Variants in DCUN1D5 observed in about 807,000 individuals in gnomAD.
The protein encoded by DCUN1D5 is DCN1-like protein 5.
Under a neutral mutation model 38.3 loss-of-function variants are expected in DCUN1D5, and 10 were observed. That is an observed-to-expected ratio of 0.26 (90% CI 0.16 to 0.44). The LOEUF (loss-of-function observed/expected upper bound fraction) is 0.44, where lower values mean the gene tolerates loss of function less well. Ranked by LOEUF, DCUN1D5 falls within the 20% of genes least tolerant of loss-of-function variation. DCUN1D5 has a pLI of 1.00. For synonymous variants in DCUN1D5, 93 were observed against 90.9 expected, an observed-to-expected ratio of 1.02 and a Z score of -0.13; for missense variants, 148 against 275.3, an observed-to-expected ratio of 0.54 and a Z score of 3.27.
intron 4 of DCUN1D5, chr11:103,080,021 A>C (rs1023310085): frequency 2.6e-5 from 4 of 152,198 alleles, no homozygotes; most frequent in Non-Finnish European, 5.9e-5. Flanking sequence ...AAACAAACGA[A>C]TGTTAACAAA....
At chr11:103,088,818 ATGTT>A (rs1162186304) in intron 2 of DCUN1D5, among the ~76,000 whole-genome samples, 1 of 152,224 alleles carries the variant, frequency 6.6e-6, no homozygotes, top group African/African-American at 2.4e-5. Flanking sequence ...GTTTCAGAAA[ATGTT>A]AGTTCAGAAA....
In DCUN1D5 at chr11:103,051,494, A is replaced by G. The variant is rs1861729309; in HGVS notation, c.*10865T>C. On this transcript the variant is annotated 3_prime_UTR_variant, in exon 8 of 8. Transcript: ENST00000260247. ...ATCATGAGATTTGGTGGCTTCACAT[A>G]TTTACTTCCCCCCCCCCCCCGCCAC... The G allele has an allele frequency of 1.8e-5, 1 of 55,696 alleles. No individual in the cohort carries two copies. 3.5% of individuals were successfully genotyped at this position (55,696 alleles called of 1,614,324 possible).
chr11:103,077,797 CTAAA>C lies in DCUN1D5; in HGVS notation c.341+4947_341+4950del, dbSNP rs1862448291. Among the ~76,000 whole-genome samples, 1 of 152,134 alleles carries C rather than the reference CTAAA, an allele frequency of 6.6e-6. No homozygotes were observed. Among genetic ancestry groups the C allele is most frequent in the Non-Finnish European group, 1.5e-5 (1 of 68,018 alleles). ...CAAAGTTCTGGATTTAGAACTTCCT[CTAAA>C]TAAGCTTTCTCAACCAGAACAATAC... On this transcript the variant is annotated intron_variant, in intron 4 of 7. Transcript: ENST00000260247. This position sits in a 1 kb window ranked among gnomAD's most constrained non-coding sequence, Gnocchi z 4.3.
rs1861983853 is a variant in DCUN1D5 at position 103,060,396 on chromosome 11, T to C, written c.*1963A>G. The stretch of plus-strand genomic sequence containing the variant: ...TGAGTTTGAACTGTGTGGGTCTGCT[T>C]ATACGCAGATTTTTTTAAACCAAAC... On this transcript the variant is annotated 3_prime_UTR_variant, in exon 8 of 8. Transcript: ENST00000260247. Among the ~76,000 whole-genome samples, 1 of 152,178 alleles carries C rather than the reference T, an allele frequency of 6.6e-6. No homozygotes were observed. The highest frequency in any genetic ancestry group is 1.5e-5 in the Non-Finnish European group (1 of 68,024).
rs1862421455 is a variant in DCUN1D5, at chr11:103,076,902, T to C, written c.341+5846A>G. On this transcript the variant is annotated intron_variant, in intron 4 of 7. Transcript: ENST00000260247. The stretch of plus-strand genomic sequence containing the variant: ...AGAAAGAATCCAACAGACTTTTTTG[T>C]AGTAAAAAAAGAATAGGCCAGCACG... Among the ~76,000 whole-genome samples, 7 of 152,026 alleles carry C rather than the reference T, an allele frequency of 4.6e-5. No individual in the cohort carries two copies. In the South Asian group the frequency reaches 1.2e-3, roughly 27 times the overall value.
intron 4 of DCUN1D5, among the ~76,000 whole-genome samples, chr11:103,080,315 G>C (rs988078866): frequency 6.6e-6 from 1 of 152,194 alleles, no homozygotes; most frequent in African/African-American, 2.4e-5. Flanking sequence ...TTAAGATTAT[G>C]TTTATTATAT....
rs955682879 is a variant in DCUN1D5, at chr11:103,064,998, T to C, written c.556-621A>G. Among the ~76,000 whole-genome samples, 1 of 152,268 alleles carries C rather than the reference T, an allele frequency of 6.6e-6. No homozygotes were observed. The highest frequency in any genetic ancestry group is 6.5e-5 in the Admixed American group (1 of 15,298). ...ATATTTAGTTCTTCTCAGCTCCCCATAGAGCTGAATATTTTTACATTCAGT... is the reference window on the plus strand; with the variant it reads ...ATATTTAGTTCTTCTCAGCTCCCCACAGAGCTGAATATTTTTACATTCAGT... On this transcript the variant is annotated intron_variant, in intron 6 of 7. Transcript: ENST00000260247. The surrounding 1 kb of genome is among the most constrained non-coding windows in gnomAD (Gnocchi z 4.5).
In DCUN1D5 at chr11:103,091,559, C is replaced by T. The variant is rs1235372405; in HGVS notation, c.86+228G>A. 6 of 624,170 alleles carry T rather than the reference C, an allele frequency of 9.6e-6. No individual in the cohort carries two copies. The highest frequency in any genetic ancestry group is 2.8e-5 in the Admixed American group (1 of 35,344). 38.7% of individuals were successfully genotyped at this position (624,170 alleles called of 1,614,324 possible). On this transcript the variant is annotated intron_variant, in intron 1 of 7. Transcript: ENST00000260247. This position sits in a 1 kb window ranked among gnomAD's most constrained non-coding sequence, Gnocchi z 4.3. ...CCCTGCAGGGCACGTAGACTCTTAACGTGGGCGGCTCTTCTAGTCTCTCCA... is the reference window on the plus strand; with the variant it reads ...CCCTGCAGGGCACGTAGACTCTTAATGTGGGCGGCTCTTCTAGTCTCTCCA...
At position 103,063,833 on chromosome 11, in the gene DCUN1D5, A is replaced by G. The variant is rs571042869; in HGVS notation, c.658+442T>C. ...AGCTCACAATCAATTTATAGTTTTC[A>G]GAGAGAAGTTATACTGACATTATTT... On this transcript the variant is annotated intron_variant, in intron 7 of 7. Coordinates refer to ENST00000260247, the MANE Select transcript of DCUN1D5 (RefSeq NM_032299.4). The surrounding 1 kb of genome is among the most constrained non-coding windows in gnomAD (Gnocchi z 4.6). Among the ~76,000 whole-genome samples the G allele has an allele frequency of 6.6e-6, 1 of 152,284 alleles. No individual in the cohort carries two copies. The highest frequency in any genetic ancestry group is 2.4e-5 in the African/African-American group (1 of 41,580).
chr11:103,065,461 T>C lies in DCUN1D5; in HGVS notation c.555+808A>G, dbSNP rs762550789. Among the ~76,000 whole-genome samples the C allele has an allele frequency of 1.2e-4, 18 of 152,240 alleles. No homozygotes were observed. The highest frequency in any genetic ancestry group is 2.5e-4 in the Non-Finnish European group (17 of 68,004). ...CGTGTGCCACCACGCCCAGCTGATATCACTGTCTTGTATCACAACTTTTAC... is the reference window on the plus strand; with the variant it reads ...CGTGTGCCACCACGCCCAGCTGATACCACTGTCTTGTATCACAACTTTTAC... On this transcript the variant is annotated intron_variant, in intron 6 of 7. Coordinates refer to ENST00000260247, the MANE Select transcript of DCUN1D5 (RefSeq NM_032299.4). This position sits in a 1 kb window ranked among gnomAD's most constrained non-coding sequence, Gnocchi z 4.6.
chr11:103,087,392 G>A lies in DCUN1D5; in HGVS notation c.178+1835C>T, dbSNP rs528985431. Among the ~76,000 whole-genome samples the A allele has an allele frequency of 4.5e-4, 68 of 152,034 alleles. No individual in the cohort carries two copies. Among genetic ancestry groups the A allele is most frequent in the Non-Finnish European group, 8.5e-4 (58 of 67,966 alleles). On this transcript the variant is annotated intron_variant, in intron 2 of 7. Transcript: ENST00000260247. The surrounding 1 kb of genome is among the most constrained non-coding windows in gnomAD (Gnocchi z 4.1). Reference sequence around the variant, plus strand: ...TCACCATGTTAACCAGGATGGTCTCGATCTCCTGACCTCGTGATCTGCCTA... The same window carrying A: ...TCACCATGTTAACCAGGATGGTCTCAATCTCCTGACCTCGTGATCTGCCTA...
At chr11:103,069,478 T>A (rs1862217971) in intron 4 of DCUN1D5, among the ~76,000 whole-genome samples, 1 of 152,156 alleles carries the variant, frequency 6.6e-6, no homozygotes, top group African/African-American at 2.4e-5. Context: ...CAGGATATAA[T>A]AAAGCCTCTC....
intron 4 of DCUN1D5, among the ~76,000 whole-genome samples, chr11:103,072,970 G>T (rs1261270420): frequency 2.0e-5 from 3 of 152,116 alleles, no homozygotes; most frequent in Admixed American, 2.0e-4. Flanking sequence ...ATTTCTAGAT[G>T]ACATGACTAT....
rs1861807095 is a variant in DCUN1D5, at chr11:103,053,854, A to G, written c.*8505T>C. 6.6e-6 allele frequency: 1 copy of G among 152,112 alleles called. No individual in the cohort carries two copies. The highest frequency in any genetic ancestry group is 2.1e-4 in the South Asian group (1 of 4,828). 9.4% of individuals were successfully genotyped at this position (152,112 alleles called of 1,614,324 possible). A position where few individuals can be genotyped will look rare whatever the true frequency, so the allele number is the denominator to read the frequency against. ...ACACAAGTCCATCCTATGAGGTTCA[A>G]TTGATGTTTTTCCAGATAGCAAAGA... On this transcript the variant is annotated 3_prime_UTR_variant, in exon 8 of 8. Coordinates refer to ENST00000260247, the MANE Select transcript of DCUN1D5 (RefSeq NM_032299.4). The surrounding 1 kb of genome is among the most constrained non-coding windows in gnomAD (Gnocchi z 4.8).
In DCUN1D5 at chr11:103,061,605, A is replaced by G. The variant is rs1433180871; in HGVS notation, c.*754T>C. Reference sequence around the variant, plus strand: ...CTAACGTTCTCTTAAGGCAAAAAAAAAAAAAAAAAGTGCTTTAAACAAAAT... The same window carrying G: ...CTAACGTTCTCTTAAGGCAAAAAAAGAAAAAAAAAGTGCTTTAAACAAAAT... On this transcript the variant is annotated 3_prime_UTR_variant, in exon 8 of 8. Coordinates refer to ENST00000260247, the MANE Select transcript of DCUN1D5 (RefSeq NM_032299.4). 6.6e-6 allele frequency among the ~76,000 whole-genome samples: 1 copy of G among 151,724 alleles called. No individual in the cohort carries two copies. Among genetic ancestry groups the G allele is most frequent in the East Asian group, 1.9e-4 (1 of 5,206 alleles).
intron 4 of DCUN1D5, among the ~76,000 whole-genome samples, chr11:103,070,232 A>ACAGTGAG (rs1862238507): frequency 6.6e-6 from 1 of 152,200 alleles, no homozygotes; most frequent in South Asian, 2.1e-4. Flanking sequence ...TAATTACATG[A>ACAGTGAG]CAGTGAGTAG....
rs1474898047 is a variant in DCUN1D5, at chr11:103,053,009, T to C, written c.*9350A>G. 6.6e-6 allele frequency: 1 copy of C among 152,164 alleles called. No homozygotes were observed. The highest frequency in any genetic ancestry group is 1.5e-5 in the Non-Finnish European group (1 of 67,986). 9.4% of individuals were successfully genotyped at this position (152,164 alleles called of 1,614,324 possible). A position where few individuals can be genotyped will look rare whatever the true frequency, so the allele number is the denominator to read the frequency against. On this transcript the variant is annotated 3_prime_UTR_variant, in exon 8 of 8. Transcript: ENST00000260247. The surrounding 1 kb of genome is among the most constrained non-coding windows in gnomAD (Gnocchi z 4.8). ...ACTTAACCAGAGTATTTTAGCTTTCTGTTTTAAATACTGTGCTTCTAGGTA... is the reference window on the plus strand; with the variant it reads ...ACTTAACCAGAGTATTTTAGCTTTCCGTTTTAAATACTGTGCTTCTAGGTA...
rs1405656351 is a variant in DCUN1D5, at chr11:103,073,271, A to T, written c.342-6704T>A. Among the ~76,000 whole-genome samples, 2 of 152,206 alleles carry T rather than the reference A, an allele frequency of 1.3e-5. No homozygotes were observed. Among genetic ancestry groups the T allele is most frequent in the African/African-American group, 4.8e-5 (2 of 41,458 alleles). ...TGAAGAGACATTACTATCTTCCAGT[A>T]TTCAAAGCAAGACTGACAAAAAAAG... is the stretch of plus-strand genomic sequence containing the variant. On this transcript the variant is annotated intron_variant, in intron 4 of 7. Transcript: ENST00000260247. This position sits in a 1 kb window ranked among gnomAD's most constrained non-coding sequence, Gnocchi z 4.2.
chr11:103,063,334 C>A lies in DCUN1D5; in HGVS notation c.659-920G>T, dbSNP rs1008318668. On this transcript the variant is annotated intron_variant, in intron 7 of 7. Coordinates refer to ENST00000260247, the MANE Select transcript of DCUN1D5 (RefSeq NM_032299.4). The surrounding 1 kb of genome is among the most constrained non-coding windows in gnomAD (Gnocchi z 4.6). ...TAAATGTTGTATTTTAATACAAAATCTCCTAGTTTTAAATGCTGATACAAA... is the reference window on the plus strand; with the variant it reads ...TAAATGTTGTATTTTAATACAAAATATCCTAGTTTTAAATGCTGATACAAA... Among the ~76,000 whole-genome samples the A allele has an allele frequency of 6.6e-6, 1 of 152,110 alleles. No individual in the cohort carries two copies. Among genetic ancestry groups the A allele is most frequent in the African/African-American group, 2.4e-5 (1 of 41,436 alleles).
Sources: allele counts gnomAD v4.1 joint callset (sites outside exome capture counted in the v4.1 genomes callset), GRCh38; gene constraint gnomAD v4.1.1; non-coding constraint Gnocchi (gnomAD v3.1); transcripts MANE v1.5; gene names NCBI Gene and HGNC (gene_info 2026-07-23, HGNC 2026-07-21).